Variants in FAR1 observed in about 807,000 individuals in gnomAD.
FAR1 encodes the protein male sterility domain-containing protein 2.
Under a neutral mutation model 61.1 loss-of-function variants are expected in FAR1, and 22 were observed. The observed-to-expected ratio is 0.36, with a 90% CI of 0.26 to 0.51. The LOEUF (loss-of-function observed/expected upper bound fraction) is 0.51. FAR1 is among the 20% of genes least tolerant of loss of function. The pLI, the probability that FAR1 is intolerant of heterozygous loss-of-function variation, is 0.95. For missense variants in FAR1, 359 were observed against 626.9 expected, an observed-to-expected ratio of 0.57 and a Z score of 4.56; for synonymous variants, 206 against 209.7, an observed-to-expected ratio of 0.98 and a Z score of 0.15.
chr11:13,675,098 TATA>T (rs1352749986), intron 1 of FAR1, among the ~76,000 whole-genome samples: 1 of 144,104 alleles, frequency 6.9e-6, no homozygotes, highest in African/African-American at 2.5e-5. Flanking sequence ...GTGTGATAAG[TATA>T]ATAATAGACA....
chr11:13,724,040 T>A (rs977179926), intron 10 of FAR1, among the ~76,000 whole-genome samples: 23 of 152,304 alleles, frequency 1.5e-4, no homozygotes, highest in East Asian at 5.8e-4. Flanking sequence ...CTAATTTTTT[T>A]AAAAAATATT....
At chr11:13,707,864 C>A (rs891714400) in intron 3 of FAR1, 36 bp from the exon 4 acceptor site, 1 of 1,429,656 alleles carries the variant, frequency 7.0e-7, no homozygotes, top group Non-Finnish European at 9.3e-7. Context: ...AACATAGCTT[C>A]CCAATTTTCT....
At chr11:13,674,601 C>A (rs1316269406) in intron 1 of FAR1, among the ~76,000 whole-genome samples, 2 of 152,178 alleles carry the variant, frequency 1.3e-5, no homozygotes, top group Non-Finnish European at 2.9e-5. Context: ...AATCTTCCTT[C>A]TTTCCCTTCT....
chr11:13,726,200 C>T (rs1465793045), intron 10 of FAR1, among the ~76,000 whole-genome samples: 1 of 151,990 alleles, frequency 6.6e-6, no homozygotes, highest in African/African-American at 2.4e-5. Context: ...TATTAAGCCA[C>T]ACAAGCCAGT....
intron 8 of FAR1, among the ~76,000 whole-genome samples, chr11:13,713,951 A>G (rs1848529218): frequency 6.6e-6 from 1 of 152,066 alleles, no homozygotes; most frequent in South Asian, 2.1e-4. Context: ...ATTGAGCGTT[A>G]TATTTTAGTG....
At chr11:13,701,674 TTA>T (rs1848377269) in intron 3 of FAR1, among the ~76,000 whole-genome samples, 2 of 152,268 alleles carry the variant, frequency 1.3e-5, no homozygotes, top group Admixed American at 1.3e-4. Flanking sequence ...TGCCAAAGCA[TTA>T]CAGTGTGTTT....
chr11:13,707,945 C>T lies in FAR1; in HGVS notation c.411C>T (p.Leu137=), dbSNP rs751935750. The change falls in exon 4 of 12, where the codon CTC becomes CTT. Residue 137 remains leucine, a synonymous_variant. Transcript: ENST00000354817. ...LNVIATRQLI[L]LAQQMKNLEV... ...TGATTGCAACGCGACAGCTTATTCT[C>T]CTTGCACAACAAATGAAGAATCTGG... 7 of 1,601,504 alleles carry T rather than the reference C, an allele frequency of 4.4e-6. No homozygotes were observed. The South Asian group carries it at 5.6e-5, about 13-fold the overall frequency.
At chr11:13,671,562 A>G (rs1339831200) in intron 1 of FAR1, among the ~76,000 whole-genome samples, 3 of 152,248 alleles carry the variant, frequency 2.0e-5, no homozygotes, top group Non-Finnish European at 4.4e-5. Context: ...ACCATATATC[A>G]TAAGTTGGAA....
At chr11:13,710,932 TA>T in intron 5 of FAR1, 62 bp downstream of exon 5, 1 of 1,415,818 alleles carries the variant, frequency 7.1e-7, no homozygotes, top group Non-Finnish European at 9.7e-7. Flanking sequence ...TAACTCTGTA[TA>T]AAAAGAGCTG....
chr11:13,696,922 G>A (rs949423092), intron 2 of FAR1, among the ~76,000 whole-genome samples: 2 of 152,176 alleles, frequency 1.3e-5, no homozygotes, highest in Admixed American at 1.3e-4. Context: ...TTATAGCAGG[G>A]TTTCTCAGCT....
At chr11:13,676,228 C>A (rs897108883) in intron 1 of FAR1, among the ~76,000 whole-genome samples, 2 of 152,034 alleles carry the variant, frequency 1.3e-5, no homozygotes, top group Non-Finnish European at 2.9e-5. Flanking sequence ...TAATTGAATT[C>A]TTGGGGAAAA....
chr11:13,694,629 T>C, intron 1 of FAR1, 130 bp from the exon 2 acceptor site: 1 of 725,410 alleles, frequency 1.4e-6, no homozygotes, highest in South Asian at 2.1e-5. Context: ...GTTAGAGTCC[T>C]CTCTTGTTAA....
intron 4 of FAR1, 124 bp downstream of exon 4, chr11:13,708,203 A>C (rs1848455397): frequency 3.4e-6 from 2 of 591,118 alleles, no homozygotes; most frequent in African/African-American, 3.8e-5. Flanking sequence ...CTCACTAAAA[A>C]TACGAAAAAA....
Position 13,728,741 on chromosome 11 carries a change from A to G in FAR1, c.1515A>G (p.Ser505=). 1.2e-6 allele frequency: 2 copies of G among 1,612,124 alleles called. No individual in the cohort carries two copies. The highest frequency in any genetic ancestry group is 8.5e-7 in the Non-Finnish European group (1 of 1,178,586). ...FVVSLCYKFL[S]YFRASSTMRY is the part of the protein sequence containing the mutation. ...TTAGTCTGTGTTACAAGTTTTTGTCATACTTCCGAGCATCCAGCACTATGA... is the reference window on the plus strand; with the variant it reads ...TTAGTCTGTGTTACAAGTTTTTGTCGTACTTCCGAGCATCCAGCACTATGA... Residue 505 remains serine (S), a synonymous_variant, in exon 12 of 12, where the codon TCA becomes TCG. Transcript: ENST00000354817.
At chr11:13,726,802 T>A (rs1272002846) in intron 10 of FAR1, among the ~76,000 whole-genome samples, 1 of 151,892 alleles carries the variant, frequency 6.6e-6, no homozygotes, top group South Asian at 2.1e-4. Context: ...AAATGTTTCC[T>A]AAGTCTTCAT....
intron 1 of FAR1, among the ~76,000 whole-genome samples, chr11:13,677,897 G>C (rs1310606690): frequency 6.6e-6 from 1 of 152,184 alleles, no homozygotes; most frequent in Non-Finnish European, 1.5e-5. Context: ...AAATCCTAGT[G>C]ATGGAATTGT....
In FAR1 at chr11:13,715,116, T is replaced by A. The variant is rs769169040; in HGVS notation, c.1127+436T>A. ...TAGAGTATCTGCATTATTGCTCGAT[T>A]GCACTCATGTTGACAGGTCAGAAAC... On this transcript the variant is annotated intron_variant, in intron 9 of 11. Coordinates refer to ENST00000354817, the MANE Select transcript of FAR1 (RefSeq NM_032228.6). Among the ~76,000 whole-genome samples, 71 of 152,160 alleles carry A rather than the reference T, an allele frequency of 4.7e-4. 3 individuals are homozygous for A. Among genetic ancestry groups the A allele is most frequent in the Non-Finnish European group, 1.6e-4 (11 of 68,014 alleles).
rs1180863691 is a variant in FAR1 at position 13,707,922 on chromosome 11, A to G, written c.388A>G (p.Ile130Val). The G allele has an allele frequency of 1.7e-5, 27 of 1,584,376 alleles. No individual in the cohort carries two copies. The highest frequency in any genetic ancestry group is 2.3e-5 in the Non-Finnish European group (27 of 1,165,832). ...NLRDAVQLNV[I>V]ATRQLILLAQ... ...CAGAGATGCTGTTCAGTTAAATGTG[A>G]TTGCAACGCGACAGCTTATTCTCCT... Residue 130 changes from isoleucine (I) to valine (V), a missense_variant, in exon 4 of 12, where the codon ATT becomes GTT. Ile to Val is a conservative substitution (Grantham distance 29). Around this residue, in one of 2 missense-constraint regions of FAR1, gnomAD observed 344 missense variants for 570.3 expected, o/e 0.60. Transcript: ENST00000354817.
chr11:13,698,640 C>T (rs1223734243), intron 2 of FAR1, among the ~76,000 whole-genome samples: 1 of 152,078 alleles, frequency 6.6e-6, no homozygotes, highest in Admixed American at 6.6e-5. Context: ...ACCATCCTGG[C>T]TAACATGGTG....
Sources: allele counts gnomAD v4.1 joint callset (sites outside exome capture counted in the v4.1 genomes callset), GRCh38; gene constraint gnomAD v4.1.1; regional missense constraint gnomAD v4.1.1; transcripts MANE v1.5; gene names NCBI Gene and HGNC (gene_info 2026-07-23, HGNC 2026-07-21).